TTPAL: variants seen among roughly 807,000 people sequenced by gnomAD.
TTPAL encodes the protein alpha-tocopherol transfer protein-like.
TTPAL carries 21 observed loss-of-function variants against 28.7 expected under a neutral mutation model. The observed-to-expected ratio is 0.73, with a 90% CI of 0.52 to 1.06. The LOEUF (loss-of-function observed/expected upper bound fraction) is 1.06. TTPAL is among the 50% of genes least tolerant of loss of function. TTPAL has a pLI of 0.00. For synonymous variants in TTPAL, 169 were observed against 171.9 expected (o/e 0.98, Z 0.13); for missense variants, 345 against 425.5 (o/e 0.81, Z 1.67).
rs957825034 is a variant in TTPAL, at chr20:44,480,828, G to A, written c.445+384G>A. Reference sequence around the variant, plus strand: ...CACTTTTTCTGTGTATGGCTGTCCCGCTCCTGTGCACGTAGTTAAATCTGG... The same window carrying A: ...CACTTTTTCTGTGTATGGCTGTCCCACTCCTGTGCACGTAGTTAAATCTGG... On this transcript the variant is annotated intron_variant, in intron 2 of 4. Coordinates refer to ENST00000262605, the MANE Select transcript of TTPAL (RefSeq NM_001039199.3). The surrounding 1 kb of genome is among the most constrained non-coding windows in gnomAD (Gnocchi z 4.1). Among the ~76,000 whole-genome samples the A allele has an allele frequency of 2.6e-4, 40 of 152,102 alleles. No individual in the cohort carries two copies. Among genetic ancestry groups the A allele is most frequent in the African/African-American group, 4.6e-4 (19 of 41,404 alleles).
chr20:44,486,725 G>T lies in TTPAL; in HGVS notation c.750+19G>T. The T allele has an allele frequency of 1.4e-6, 2 of 1,422,440 alleles. No homozygotes were observed. The highest frequency in any genetic ancestry group is 2.4e-5 in the South Asian group (2 of 82,110). 88.1% of individuals were successfully genotyped at this position (1,422,440 alleles called of 1,614,324 possible). Reference sequence around the variant, plus strand: ...AAACAGAGTAAGTGATGATCCTATTGACTTCAGATTTTTCTTTTCCTCTGT... The same window carrying T: ...AAACAGAGTAAGTGATGATCCTATTTACTTCAGATTTTTCTTTTCCTCTGT... On this transcript the variant is annotated intron_variant, in intron 4 of 4. Coordinates refer to ENST00000262605, the MANE Select transcript of TTPAL (RefSeq NM_001039199.3).
intron 1 of TTPAL, among the ~76,000 whole-genome samples, chr20:44,476,622 GTCC>G (rs761039728): frequency 6.6e-6 from 1 of 152,196 alleles, no homozygotes; most frequent in Non-Finnish European, 1.5e-5. Context: ...AGTCCTTTTT[GTCC>G]TCCTTTGTAA....
chr20:44,491,596 T>G lies in TTPAL; in HGVS notation c.*2055T>G, dbSNP rs953828874. ...TAGAGAAAGTTCTTTTCACCATGGA[T>G]AGTAACCCTGGATCCTCTACGGTAC... is the stretch of plus-strand genomic sequence containing the variant. On this transcript the variant is annotated 3_prime_UTR_variant, in exon 5 of 5. Transcript: ENST00000262605. 1.3e-5 allele frequency: 2 copies of G among 152,378 alleles called. No homozygotes were observed. Among genetic ancestry groups the G allele is most frequent in the Non-Finnish European group, 2.9e-5 (2 of 68,038 alleles). The allele number at this position is 152,378 out of a possible 1,614,324, so 9.4% of individuals were successfully genotyped here.
At chr20:44,483,810 A>G (rs1340124279) in intron 2 of TTPAL, among the ~76,000 whole-genome samples, 1 of 151,734 alleles carries the variant, frequency 6.6e-6, no homozygotes, top group Non-Finnish European at 1.5e-5. Flanking sequence ...ACTTTTTTTT[A>G]TATTTTTGAG....
chr20:44,483,802 T>G (rs971209718), intron 2 of TTPAL, among the ~76,000 whole-genome samples: 3 of 151,970 alleles, frequency 2.0e-5, no homozygotes, highest in African/African-American at 7.3e-5. Context: ...GAGTGCATAC[T>G]TTTTTTTATA....
chr20:44,486,774 CTTGT>C lies in TTPAL; in HGVS notation c.750+71_750+74del, dbSNP rs1365862068. 2.4e-5 allele frequency: 22 copies of C among 898,700 alleles called. No individual in the cohort carries two copies. In the Admixed American group the frequency reaches 2.9e-4, roughly 12 times the overall value. The allele number at this position is 898,700 out of a possible 1,614,324, so 55.7% of individuals were successfully genotyped here. A position where few individuals can be genotyped will look rare whatever the true frequency, so the allele number is the denominator to read the frequency against. On this transcript the variant is annotated intron_variant, in intron 4 of 4. Coordinates refer to ENST00000262605, the MANE Select transcript of TTPAL (RefSeq NM_001039199.3). Reference sequence around the variant, plus strand: ...GTTGATTTATTTGTGACATCTGGTACTTGTTTATTATTTTTGCCCTGGAACAACT... The same window carrying C: ...GTTGATTTATTTGTGACATCTGGTACTTATTATTTTTGCCCTGGAACAACT...
chr20:44,478,359 C>T lies in TTPAL; in HGVS notation c.-15-1626C>T, dbSNP rs183428309. ...AGGTTTGGCCAGGCCCTCAAGCAAACGCTGCCTGTTAGAGGAGTCCTATGT... is the reference window on the plus strand; with the variant it reads ...AGGTTTGGCCAGGCCCTCAAGCAAATGCTGCCTGTTAGAGGAGTCCTATGT... On this transcript the variant is annotated intron_variant, in intron 1 of 4. Transcript: ENST00000262605. Among the ~76,000 whole-genome samples the T allele has an allele frequency of 1.2e-4, 19 of 152,344 alleles. No homozygotes were observed. The East Asian group carries it at 2.7e-3, about 22-fold the overall frequency.
At chr20:44,481,637 G>A (rs899426954) in intron 2 of TTPAL, among the ~76,000 whole-genome samples, 4 of 152,230 alleles carry the variant, frequency 2.6e-5, no homozygotes, top group South Asian at 4.1e-4. Flanking sequence ...GCCCTCTTTC[G>A]CTCATTCATA....
At chr20:44,481,489 A>G (rs891497141) in intron 2 of TTPAL, among the ~76,000 whole-genome samples, 1 of 152,166 alleles carries the variant, frequency 6.6e-6, no homozygotes, top group Non-Finnish European at 1.5e-5. Context: ...CCATGACACC[A>G]AAAGCGTTAT....
At chr20:44,486,274 A>G in intron 3 of TTPAL, 1 of 169,120 alleles carries the variant, frequency 5.9e-6, no homozygotes, top group Non-Finnish European at 1.3e-5. Flanking sequence ...TGGAGATGGG[A>G]TTTCACCATG....
chr20:44,479,863 T>C (rs1600783669), intron 1 of TTPAL, 122 bp from the exon 2 acceptor site: 1 of 817,218 alleles, frequency 1.2e-6, no homozygotes, highest in Non-Finnish European at 1.9e-6. Context: ...TTGCCCCCAG[T>C]TGAGAAACAC....
chr20:44,482,431 G>A (rs2064114374), intron 2 of TTPAL, among the ~76,000 whole-genome samples: 1 of 151,008 alleles, frequency 6.6e-6, no homozygotes, highest in Non-Finnish European at 1.5e-5. Flanking sequence ...AAATTAGCTG[G>A]GCGTGGTGGC....
At chr20:44,483,540 G>A (rs558279718) in intron 2 of TTPAL, among the ~76,000 whole-genome samples, 28 of 152,270 alleles carry the variant, frequency 1.8e-4, no homozygotes, top group African/African-American at 6.3e-4. Flanking sequence ...CACCTCTGAA[G>A]TCAGGAGTCA....
At position 44,489,641 on chromosome 20, in the gene TTPAL, A is replaced by C; in HGVS notation, c.*100A>C. ...CCATGGATTCAGTCTTGCTCCTTGT[A>C]ATTAAACTGCAGGATGGAGGAACAG... On this transcript the variant is annotated 3_prime_UTR_variant, in exon 5 of 5. Coordinates refer to ENST00000262605, the MANE Select transcript of TTPAL (RefSeq NM_001039199.3). 7.7e-7 allele frequency: 1 copy of C among 1,298,076 alleles called. No homozygotes were observed. The highest frequency in any genetic ancestry group is 1.5e-5 in the African/African-American group (1 of 67,306). 80.4% of individuals were successfully genotyped at this position (1,298,076 alleles called of 1,614,324 possible). A position where few individuals can be genotyped will look rare whatever the true frequency, so the allele number is the denominator to read the frequency against.
Position 44,484,429 on chromosome 20 carries a change from G to C in TTPAL, c.538G>C (p.Val180Leu). The change falls in exon 3 of 5, where the codon GTG (valine) becomes CTG (leucine). Residue 180 changes from valine to leucine, a missense_variant. Transcript: ENST00000262605. Reference sequence around the variant, plus strand: ...ACTCATTCAGTCTGAAGAAACCCAGGTGAATGGAATTGTAATTCTTGCAGA... The same window carrying C: ...ACTCATTCAGTCTGAAGAAACCCAGCTGAATGGAATTGTAATTCTTGCAGA... The part of the protein sequence containing the change: ...EKLIQSEETQ[V>L]NGIVILADYK... 6.2e-7 allele frequency: 1 copy of C among 1,607,826 alleles called. No individual in the cohort carries two copies. The highest frequency in any genetic ancestry group is 8.5e-7 in the Non-Finnish European group (1 of 1,174,690).
rs531131265 is a variant in TTPAL, at chr20:44,494,290, A to C, written c.*4749A>C. 5.2e-5 allele frequency: 8 copies of C among 152,712 alleles called. No individual in the cohort carries two copies. The highest frequency in any genetic ancestry group is 1.9e-4 in the African/African-American group (8 of 41,428). 9.5% of individuals were successfully genotyped at this position (152,712 alleles called of 1,614,324 possible). On this transcript the variant is annotated 3_prime_UTR_variant, in exon 5 of 5. Transcript: ENST00000262605. Reference sequence around the variant, plus strand: ...TGTAGCTATGCCTCGGCTTCTTGGCATATCAGGTAGGAACCTGTTACAAGT... The same window carrying C: ...TGTAGCTATGCCTCGGCTTCTTGGCCTATCAGGTAGGAACCTGTTACAAGT...
chr20:44,476,442 G>T (rs766936134), intron 1 of TTPAL, among the ~76,000 whole-genome samples: 1 of 152,180 alleles, frequency 6.6e-6, no homozygotes, highest in Non-Finnish European at 1.5e-5. Context: ...CCCAGGGTGG[G>T]GCTAGACGCA....
intron 2 of TTPAL, among the ~76,000 whole-genome samples, chr20:44,482,577 A>C (rs1008966544): frequency 6.6e-6 from 1 of 151,894 alleles, no homozygotes. Flanking sequence ...TGTCTCAAAA[A>C]AAAAAAAAAA....
intron 4 of TTPAL, among the ~76,000 whole-genome samples, chr20:44,487,380 T>TGC (rs925272466): frequency 2.6e-5 from 4 of 152,170 alleles, no homozygotes; most frequent in Non-Finnish European, 1.5e-5. Flanking sequence ...AATTCAAGGC[T>TGC]GCCATGGGCT....
Sources: allele counts gnomAD v4.1 joint callset (sites outside exome capture counted in the v4.1 genomes callset), GRCh38; gene constraint gnomAD v4.1.1; non-coding constraint Gnocchi (gnomAD v3.1); transcripts MANE v1.5; gene names NCBI Gene and HGNC (gene_info 2026-07-23, HGNC 2026-07-21).